The following GABRB2 variants were observed in gnomAD, a reference collection of about 807,000 sequenced individuals.
GABRB2 encodes gamma-aminobutyric acid receptor subunit beta-2.
Under a neutral mutation model 54.7 loss-of-function variants are expected in GABRB2, and 16 were observed. The observed-to-expected ratio is 0.29, with a 90% confidence interval of 0.20 to 0.44. The LOEUF (loss-of-function observed/expected upper bound fraction) is 0.44. GABRB2 is among the 20% of genes least tolerant of loss of function. The pLI, the probability that GABRB2 is intolerant of heterozygous loss-of-function variation, is 1.00. For synonymous variants in GABRB2, 244 were observed against 233.8 expected, an observed-to-expected ratio of 1.04 and a Z score of -0.40; for missense variants, 355 against 644.0, an observed-to-expected ratio of 0.55 and a Z score of 4.86.
chr5:161,547,618 G>T (rs548135549), upstream of GABRB2, among the ~76,000 whole-genome samples: 5 of 152,200 alleles, frequency 3.3e-5, no homozygotes, highest in Non-Finnish European at 7.4e-5. Flanking sequence ...GTCTCTCCAG[G>T]TTTCGGTCTG....
At chr5:161,339,910 C>A (rs932508977) in intron 5 of GABRB2, among the ~76,000 whole-genome samples, 1 of 151,874 alleles carries the variant, frequency 6.6e-6, no homozygotes, top group African/African-American at 2.4e-5. Context: ...GCATTCCCTG[C>A]CCCACCATTA....
rs996258829 is a variant in GABRB2, at chr5:161,545,287, G to C, written c.177C>G (p.Pro59=). 1 of 1,597,306 alleles carries C rather than the reference G, an allele frequency of 6.3e-7. No individual in the cohort carries two copies. ...IRLRPDFGGP[P]VAVGMNIDIA... is the part of the protein sequence containing the mutation. Reference sequence around the variant, plus strand: ...TGTCAATGTTCATCCCCACAGCCACGGGGGGACCTGCAAAGCAAGACGGCC... The same window carrying C: ...TGTCAATGTTCATCCCCACAGCCACCGGGGGACCTGCAAAGCAAGACGGCC... The change falls in exon 3 of 10, where the codon CCC becomes CCG. Residue 59 remains proline (P), a synonymous_variant. Coordinates refer to ENST00000393959, the MANE Select transcript of GABRB2 (RefSeq NM_001371727.1).
At chr5:161,432,520 C>G (rs560776673) in intron 4 of GABRB2, among the ~76,000 whole-genome samples, 4 of 152,248 alleles carry the variant, frequency 2.6e-5, no homozygotes, top group African/African-American at 7.2e-5. Context: ...TGAGAAGGTA[C>G]TCTAAAATTC....
At chr5:161,423,719 G>C (rs1756918299) in intron 4 of GABRB2, among the ~76,000 whole-genome samples, 1 of 152,000 alleles carries the variant, frequency 6.6e-6, no homozygotes, top group South Asian at 2.1e-4. Flanking sequence ...TGGCCTCTAG[G>C]TGTTCTAGTG....
rs1429638241 is a variant in GABRB2 at position 161,505,588 on chromosome 5, G to A, written c.237+39639C>T. On this transcript the variant is annotated intron_variant, in intron 3 of 9. Coordinates refer to ENST00000393959, the MANE Select transcript of GABRB2 (RefSeq NM_001371727.1). ...TTAATAATATGTTAAAAGGGTAATA[G>A]AGCACGATAAAATAGAGTGTAGCCC... Among the ~76,000 whole-genome samples, 5 of 152,188 alleles carry A rather than the reference G, an allele frequency of 3.3e-5. No homozygotes were observed. In the East Asian group the frequency reaches 5.8e-4, roughly 18 times the overall value.
intron 3 of GABRB2, among the ~76,000 whole-genome samples, chr5:161,524,076 A>T (rs1760198857): frequency 6.6e-6 from 1 of 151,374 alleles, no homozygotes; most frequent in African/African-American, 2.4e-5. Context: ...AGTCAGAAAA[A>T]CAGACATGGC....
At chr5:161,534,485 A>C (rs1272166354) in intron 3 of GABRB2, among the ~76,000 whole-genome samples, 1 of 152,220 alleles carries the variant, frequency 6.6e-6, no homozygotes, top group Non-Finnish European at 1.5e-5. Context: ...GGGAAGAAAG[A>C]AAGCTAAAAC....
intron 9 of GABRB2, among the ~76,000 whole-genome samples, chr5:161,322,142 A>C (rs1040022353): frequency 2.0e-5 from 3 of 152,188 alleles, no homozygotes; most frequent in Admixed American, 1.3e-4. Context: ...TCAAAAGAAT[A>C]TAGTAATAAA....
chr5:161,378,664 C>T (rs756020732), intron 5 of GABRB2, among the ~76,000 whole-genome samples: 2 of 152,152 alleles, frequency 1.3e-5, no homozygotes, highest in Non-Finnish European at 2.9e-5. Context: ...GGGCATTCCC[C>T]TAACCTATTC....
rs1288162228 is a variant in GABRB2 at position 161,290,487 on chromosome 5, A to T, written c.*3594T>A. The T allele has an allele frequency of 2.0e-5, 3 of 152,592 alleles. No individual in the cohort carries two copies. The allele number at this position is 152,592 out of a possible 1,614,324, so 9.5% of individuals were successfully genotyped here. A position where few individuals can be genotyped will look rare whatever the true frequency, so the allele number is the denominator to read the frequency against. ...TTGATTTGCTGATAGAGAAATGCTCAGTACCCTGTATTACTTATTTCAGTA... is the reference window on the plus strand; with the variant it reads ...TTGATTTGCTGATAGAGAAATGCTCTGTACCCTGTATTACTTATTTCAGTA... On this transcript the variant is annotated 3_prime_UTR_variant, in exon 10 of 10. Coordinates refer to ENST00000393959, the MANE Select transcript of GABRB2 (RefSeq NM_001371727.1).
At chr5:161,411,092 C>T (rs1050832176) in intron 4 of GABRB2, 35 bp from the exon 5 acceptor site, 6 of 1,507,790 alleles carry the variant, frequency 4.0e-6, no homozygotes, top group Non-Finnish European at 5.5e-6. Context: ...GTGTTGTTAG[C>T]AGGTCTAAGG....
At chr5:161,396,923 T>A (rs1756020099) in intron 5 of GABRB2, among the ~76,000 whole-genome samples, 2 of 152,166 alleles carry the variant, frequency 1.3e-5, no homozygotes, top group Non-Finnish European at 1.5e-5. Flanking sequence ...AAAACAGGAA[T>A]GACATTATAC....
At chr5:161,454,878 C>T (rs1206938918) in intron 4 of GABRB2, among the ~76,000 whole-genome samples, 2 of 152,130 alleles carry the variant, frequency 1.3e-5, no homozygotes, top group Non-Finnish European at 2.9e-5. Flanking sequence ...TGGAATCTAT[C>T]TGCAAAGCAT....
At chr5:161,499,423 T>C (rs764301202) in intron 3 of GABRB2, among the ~76,000 whole-genome samples, 3 of 152,066 alleles carry the variant, frequency 2.0e-5, no homozygotes, top group Non-Finnish European at 4.4e-5. Context: ...CTAGCTAACT[T>C]CCATAGGCCC....
intron 3 of GABRB2, among the ~76,000 whole-genome samples, chr5:161,460,303 T>C (rs575745607): frequency 5.3e-5 from 8 of 152,014 alleles, no homozygotes; most frequent in Non-Finnish European, 1.2e-4. Context: ...TGTGTGTGTA[T>C]GTATGGCCAC....
chr5:161,316,585 T>C (rs1758035425), intron 9 of GABRB2, among the ~76,000 whole-genome samples: 2 of 152,236 alleles, frequency 1.3e-5, no homozygotes, highest in East Asian at 1.9e-4. Context: ...CTTTCTTTGT[T>C]TCTCCCTCTT....
intron 1 of GABRB2, 29 bp downstream of exon 1, chr5:161,546,538 C>G: frequency 1.9e-6 from 3 of 1,585,088 alleles, no homozygotes; most frequent in East Asian, 2.3e-5. Flanking sequence ...AAAGTGAGAA[C>G]GGAAAAGAGA....
intron 5 of GABRB2, among the ~76,000 whole-genome samples, chr5:161,398,435 T>C (rs908271951): frequency 1.3e-5 from 2 of 152,112 alleles, no homozygotes; most frequent in African/African-American, 4.8e-5. Context: ...GAACAGATCA[T>C]AGAAGGCAGA....
chr5:161,386,861 ACAT>A (rs1327132284), intron 5 of GABRB2, among the ~76,000 whole-genome samples: 1 of 151,960 alleles, frequency 6.6e-6, no homozygotes, highest in Non-Finnish European at 1.5e-5. Flanking sequence ...TAGTAGCAAA[ACAT>A]CATAAGAGAA....
Sources: gnomAD v4.1 joint callset for allele counts (sites outside exome capture counted in the v4.1 genomes callset) on GRCh38, gnomAD v4.1.1 for gene constraint, MANE v1.5 for transcripts, NCBI Gene and HGNC (gene_info 2026-07-23, HGNC 2026-07-21) for gene names.